NTRK2: variants seen among roughly 807,000 people sequenced by gnomAD.
The protein encoded by NTRK2 is BDNF/NT-3 growth factors receptor.
In NTRK2, 13 loss-of-function variants were observed where a neutral mutation model predicts 94.5. The observed-to-expected ratio is 0.14, with a 90% CI of 0.09 to 0.22. The LOEUF is 0.22. NTRK2 is among the 10% of genes least tolerant of loss of function. NTRK2 has a pLI of 1.00. For synonymous variants in NTRK2, 372 were observed against 407.4 expected (o/e 0.91, Z 1.05); for missense variants, 639 against 1,071.2 (o/e 0.60, Z 5.63).
At chr9:85,003,504 G>A (rs1159434011) in intron 17 of NTRK2, among the ~76,000 whole-genome samples, 3 of 152,168 alleles carry the variant, frequency 2.0e-5, no homozygotes, top group Non-Finnish European at 4.4e-5. Flanking sequence ...AGTGTGCCCC[G>A]TGTGGTAGGC....
At position 85,024,216 on chromosome 9, in the gene NTRK2, G is replaced by A. The variant is rs1303736654; in HGVS notation, c.*2779G>A. 2.6e-5 allele frequency: 6 copies of A among 232,126 alleles called. No homozygotes were observed. The highest frequency in any genetic ancestry group is 5.1e-5 in the Non-Finnish European group (6 of 117,484). 14.4% of individuals were successfully genotyped at this position (232,126 alleles called of 1,614,324 possible). The stretch of plus-strand genomic sequence containing the variant: ...CAGATTGCTTTTAAAGTAGCTGAAC[G>A]AGCCACAGAATATCTGAAATTATTC... On this transcript the variant is annotated 3_prime_UTR_variant, in exon 19 of 19. Coordinates refer to ENST00000277120, the MANE Select transcript of NTRK2 (RefSeq NM_006180.6).
chr9:84,877,414 G>A (rs1472989546), intron 14 of NTRK2: 3 of 1,065,940 alleles, frequency 2.8e-6, no homozygotes, highest in Admixed American at 5.3e-5. Flanking sequence ...GGAGAGAGGG[G>A]ACTTTGAGTG....
intron 6 of NTRK2, among the ~76,000 whole-genome samples, chr9:84,718,835 T>C (rs1026543709): frequency 6.6e-6 from 1 of 152,226 alleles, no homozygotes; most frequent in African/African-American, 2.4e-5. Context: ...TCGAGTGGTA[T>C]TTCAAGTACA....
At position 84,875,080 on chromosome 9, in the gene NTRK2, A is replaced by G. The variant is rs1369078978; in HGVS notation, c.1633+7649A>G. ...GTAATTCCACCAGTTAGAGTTAACC[A>G]CTGATATCGTTTGGATATATGGCTT... is the stretch of plus-strand genomic sequence containing the variant. On this transcript the variant is annotated intron_variant, in intron 14 of 18. Transcript: ENST00000277120. The G allele has an allele frequency of 2.8e-6, 3 of 1,060,438 alleles. No individual in the cohort carries two copies. The African/African-American group carries it at 4.9e-5, about 17-fold the overall frequency. The allele number at this position is 1,060,438 out of a possible 1,614,324, so 65.7% of individuals were successfully genotyped here.
intron 14 of NTRK2, among the ~76,000 whole-genome samples, chr9:84,916,118 T>C (rs2077385556): frequency 6.6e-6 from 1 of 151,926 alleles, no homozygotes; most frequent in Non-Finnish European, 1.5e-5. Flanking sequence ...CTACCTCTGT[T>C]CCAAGGCTCT....
chr9:85,023,154 T>G lies in NTRK2; in HGVS notation c.*1717T>G, dbSNP rs1263651774. On this transcript the variant is annotated 3_prime_UTR_variant, in exon 19 of 19. Coordinates refer to ENST00000277120, the MANE Select transcript of NTRK2 (RefSeq NM_006180.6). ...GTTTTGCAAAAAGAGGGCTCAAATT[T>G]AAATAGAAATTTACAGCTATTTGAA... 1 of 233,080 alleles carries G rather than the reference T, an allele frequency of 4.3e-6. No individual in the cohort carries two copies. Among genetic ancestry groups the G allele is most frequent in the Non-Finnish European group, 8.5e-6 (1 of 117,930 alleles). The allele number at this position is 233,080 out of a possible 1,614,324, so 14.4% of individuals were successfully genotyped here.
chr9:84,815,937 T>C (rs1473124676), intron 12 of NTRK2, among the ~76,000 whole-genome samples: 2 of 151,724 alleles, frequency 1.3e-5, no homozygotes, highest in Admixed American at 1.3e-4. Flanking sequence ...TGTCCATTCA[T>C]TGTTTACTGA....
intron 6 of NTRK2, among the ~76,000 whole-genome samples, chr9:84,722,416 A>T (rs2062137277): frequency 1.3e-5 from 2 of 152,226 alleles, no homozygotes; most frequent in African/African-American, 4.8e-5. Flanking sequence ...AGGTTTATCC[A>T]TAATAATGTG....
rs544220881 is a variant in NTRK2, at chr9:84,917,835, A to G, written c.1634-16327A>G. On this transcript the variant is annotated intron_variant, in intron 14 of 18. Transcript: ENST00000277120. ...AACAGTCAGGCGCCAGAGAGAGAAA[A>G]ATCCTGTTTGCATTGATTGCGTCCT... 1.5e-4 allele frequency among the ~76,000 whole-genome samples: 23 copies of G among 152,210 alleles called. 1 individual carries two copies. In the South Asian group the frequency reaches 4.4e-3, roughly 29 times the overall value.
intron 11 of NTRK2, 88 bp downstream of exon 11, chr9:84,745,161 T>C (rs968904552): frequency 2.2e-6 from 2 of 891,970 alleles, no homozygotes; most frequent in African/African-American, 3.4e-5. Flanking sequence ...AATAAGACAC[T>C]TTTATTGTTC....
intron 15 of NTRK2, among the ~76,000 whole-genome samples, chr9:84,944,554 G>T (rs1341651475): frequency 6.6e-6 from 1 of 152,222 alleles, no homozygotes; most frequent in African/African-American, 2.4e-5. Context: ...CACTGAAAAA[G>T]ATAGGCATGT....
intron 12 of NTRK2, among the ~76,000 whole-genome samples, chr9:84,781,339 G>GT (rs2067541886): frequency 1.3e-5 from 2 of 152,054 alleles, no homozygotes; most frequent in South Asian, 4.1e-4. Flanking sequence ...ACAGCTGAGT[G>GT]TTTTTATGTA....
intron 1 of NTRK2, 58 bp from the exon 2 acceptor site, chr9:84,670,319 C>T (rs2058621986): frequency 3.5e-6 from 1 of 289,730 alleles, no homozygotes; most frequent in African/African-American, 2.2e-5. Context: ...GGAGAGTGCC[C>T]CAATTAGTGG....
chr9:84,747,990 G>C (rs2064245713), intron 11 of NTRK2, among the ~76,000 whole-genome samples: 1 of 152,156 alleles, frequency 6.6e-6, no homozygotes, highest in Non-Finnish European at 1.5e-5. Context: ...TTGATCACAG[G>C]AGGGATCATT....
chr9:84,806,467 G>A (rs2071123581), intron 12 of NTRK2, among the ~76,000 whole-genome samples: 1 of 152,200 alleles, frequency 6.6e-6, no homozygotes, highest in African/African-American at 2.4e-5. Context: ...TGAGCACAGA[G>A]AAGAAAGGAC....
chr9:84,808,937 G>A (rs564148544), intron 12 of NTRK2, among the ~76,000 whole-genome samples: 1 of 152,180 alleles, frequency 6.6e-6, no homozygotes, highest in African/African-American at 2.4e-5. Context: ...AGTCTACATG[G>A]TTGGGCTTAG....
rs1249489641 is a variant in NTRK2, at chr9:85,022,411, G to A, written c.*974G>A. The A allele has an allele frequency of 2.1e-5, 5 of 232,992 alleles. No homozygotes were observed. Among genetic ancestry groups the A allele is most frequent in the Non-Finnish European group, 4.2e-5 (5 of 117,978 alleles). 14.4% of individuals were successfully genotyped at this position (232,992 alleles called of 1,614,324 possible). A position where few individuals can be genotyped will look rare whatever the true frequency, so the allele number is the denominator to read the frequency against. ...GATAGCACTGGTTTGTTTCTCAAGCGCTATCCACAGAACCTTTGTCAACTT... is the reference window on the plus strand; with the variant it reads ...GATAGCACTGGTTTGTTTCTCAAGCACTATCCACAGAACCTTTGTCAACTT... On this transcript the variant is annotated 3_prime_UTR_variant, in exon 19 of 19. Transcript: ENST00000277120.
intron 14 of NTRK2, among the ~76,000 whole-genome samples, chr9:84,896,153 T>A (rs1207077772): frequency 6.6e-6 from 1 of 152,222 alleles, no homozygotes; most frequent in Non-Finnish European, 1.5e-5. Context: ...CGTGGCTCCA[T>A]GTTTCAAAGA....
At chr9:84,803,035 T>A (rs2070691402) in intron 12 of NTRK2, among the ~76,000 whole-genome samples, 1 of 152,126 alleles carries the variant, frequency 6.6e-6, no homozygotes, top group South Asian at 2.1e-4. Flanking sequence ...CAGAGAAATG[T>A]CAATTAATGC....
Sources: allele counts gnomAD v4.1 joint callset (sites outside exome capture counted in the v4.1 genomes callset), GRCh38; gene constraint gnomAD v4.1.1; transcripts MANE v1.5; gene names NCBI Gene and HGNC (gene_info 2026-07-23, HGNC 2026-07-21).